NTNG2: variants seen among roughly 807,000 people sequenced by gnomAD.
NTNG2 encodes netrin G2.
Under a neutral mutation model 47.6 loss-of-function variants are expected in NTNG2, and 15 were observed. That is an observed-to-expected ratio of 0.32 (90% CI 0.21 to 0.49). NTNG2 has a LOEUF of 0.49. Ranked by LOEUF, NTNG2 falls within the 20% of genes least tolerant of loss-of-function variation. NTNG2 has a pLI of 0.99. For missense variants in NTNG2, 578 were observed against 764.6 expected, an observed-to-expected ratio of 0.76 and a Z score of 2.88; for synonymous variants, 307 against 324.6, an observed-to-expected ratio of 0.95 and a Z score of 0.58.
rs1025672356 is a variant in NTNG2 at position 132,163,215 on chromosome 9, G to A, written c.-484+976G>A. On this transcript the variant is annotated intron_variant, in intron 1 of 7. Transcript: ENST00000393229. The surrounding 1 kb of genome is among the most constrained non-coding windows in gnomAD (Gnocchi z 7.2). ...CGAAAAGCAGCTGCGGGGCTGCCGG[G>A]TCGTCGGTGTCCTAGGCACAGGGCT... is the stretch of plus-strand genomic sequence containing the variant. Among the ~76,000 whole-genome samples the A allele has an allele frequency of 6.6e-6, 1 of 152,118 alleles. No homozygotes were observed. The highest frequency in any genetic ancestry group is 2.4e-5 in the African/African-American group (1 of 41,426).
intron 2 of NTNG2, among the ~76,000 whole-genome samples, chr9:132,188,888 G>T (rs1366619410): frequency 1.3e-5 from 2 of 152,098 alleles, no homozygotes; most frequent in Non-Finnish European, 2.9e-5. Flanking sequence ...AGATGTGGTC[G>T]CTGCCCGCAT....
intron 2 of NTNG2, among the ~76,000 whole-genome samples, chr9:132,178,982 A>AC (rs34841916): frequency 7.4e-6 from 1 of 134,426 alleles, no homozygotes; most frequent in East Asian, 2.2e-4. Context: ...AAAAAAAAAA[A>AC]CTACTGATGA....
intron 3 of NTNG2, among the ~76,000 whole-genome samples, chr9:132,203,462 G>A (rs759012237): frequency 1.3e-5 from 2 of 152,184 alleles, no homozygotes; most frequent in Non-Finnish European, 1.5e-5. Flanking sequence ...GAGAAATGGA[G>A]ACAGCAGGCG....
intron 4 of NTNG2, among the ~76,000 whole-genome samples, chr9:132,228,348 A>C (rs1450102723): frequency 6.6e-6 from 1 of 152,154 alleles, no homozygotes; most frequent in Non-Finnish European, 1.5e-5. Flanking sequence ...AGGCACAAAG[A>C]GCACTCCGGG....
At chr9:132,178,988 G>T (rs1168741381) in intron 2 of NTNG2, among the ~76,000 whole-genome samples, 2 of 134,546 alleles carry the variant, frequency 1.5e-5, no homozygotes, top group Non-Finnish European at 3.2e-5. Context: ...AAAAACTACT[G>T]ATGAGGCACA....
At chr9:132,205,795 C>T (rs1413765610) in intron 3 of NTNG2, among the ~76,000 whole-genome samples, 1 of 152,140 alleles carries the variant, frequency 6.6e-6, no homozygotes, top group African/African-American at 2.4e-5. Context: ...ACAGGAGAAT[C>T]ACTTGAACCA....
At position 132,198,285 on chromosome 9, in the gene NTNG2, C is replaced by T. The variant is rs778753703; in HGVS notation, c.533C>T (p.Ser178Phe). Residue 178 changes from serine to phenylalanine, a missense_variant, in exon 3 of 8, where the codon TCC becomes TTC. Coordinates refer to ENST00000393229, the MANE Select transcript of NTNG2 (RefSeq NM_032536.4). Reference sequence around the variant, plus strand: ...GACTGCATGGAGGCCTTCGGTATGTCCGCCCGCCGGGCCCGCGACATGTCA... The same window carrying T: ...GACTGCATGGAGGCCTTCGGTATGTTCGCCCGCCGGGCCCGCGACATGTCA... ...AEDCMEAFGM[S>F]ARRARDMSSS... 1 of 1,609,982 alleles carries T rather than the reference C, an allele frequency of 6.2e-7. No individual in the cohort carries two copies. The highest frequency in any genetic ancestry group is 1.7e-4 in the Middle Eastern group (1 of 6,058).
At chr9:132,216,132 G>A (rs927433078) in intron 3 of NTNG2, among the ~76,000 whole-genome samples, 2 of 152,134 alleles carry the variant, frequency 1.3e-5, no homozygotes, top group Non-Finnish European at 2.9e-5. Flanking sequence ...GCGCTACCTG[G>A]TGCTGCAGCC....
Position 132,236,618 on chromosome 9 carries a change from C to G in NTNG2, c.1055-2486C>G, listed in dbSNP as rs1201102954. Among the ~76,000 whole-genome samples, 3 of 152,210 alleles carry G rather than the reference C, an allele frequency of 2.0e-5. No homozygotes were observed. Among genetic ancestry groups the G allele is most frequent in the Non-Finnish European group, 2.9e-5 (2 of 68,034 alleles). On this transcript the variant is annotated intron_variant, in intron 5 of 7. Coordinates refer to ENST00000393229, the MANE Select transcript of NTNG2 (RefSeq NM_032536.4). The surrounding 1 kb of genome is among the most constrained non-coding windows in gnomAD (Gnocchi z 4.3). ...GCATGTTTAGAGAGGGTCTGAGGCT[C>G]GGTTCCTAGAAACCTGGAGGACCTG...
rs961301313 is a variant in NTNG2 at position 132,208,608 on chromosome 9, G to T, written c.857+9999G>T. On this transcript the variant is annotated intron_variant, in intron 3 of 7. Coordinates refer to ENST00000393229, the MANE Select transcript of NTNG2 (RefSeq NM_032536.4). The surrounding 1 kb of genome is among the most constrained non-coding windows in gnomAD (Gnocchi z 4.0). ...TGCTGAGTAGCTGATGGGAGCAGGCGGTGGGAGGCATCATGGAGGACTCCC... is the reference window on the plus strand; with the variant it reads ...TGCTGAGTAGCTGATGGGAGCAGGCTGTGGGAGGCATCATGGAGGACTCCC... 6.6e-6 allele frequency among the ~76,000 whole-genome samples: 1 copy of T among 152,144 alleles called. No homozygotes were observed. Among genetic ancestry groups the T allele is most frequent in the Non-Finnish European group, 1.5e-5 (1 of 68,022 alleles).
chr9:132,164,037 C>T (rs1262749368), intron 1 of NTNG2, among the ~76,000 whole-genome samples: 1 of 152,180 alleles, frequency 6.6e-6, no homozygotes, highest in African/African-American at 2.4e-5. Context: ...TCTCTGCGCT[C>T]CTCCTCGTTA....
rs1461307764 is a variant in NTNG2, at chr9:132,221,667, A to G, written c.858-5182A>G. Among the ~76,000 whole-genome samples the G allele has an allele frequency of 6.6e-6, 1 of 152,166 alleles. No individual in the cohort carries two copies. Among genetic ancestry groups the G allele is most frequent in the Non-Finnish European group, 1.5e-5 (1 of 68,022 alleles). ...TTCTCCTGTTCCCGAGGAAGACAGG[A>G]CTGATAGGAGGGGCTGGCCAGGATG... On this transcript the variant is annotated intron_variant, in intron 3 of 7. Transcript: ENST00000393229. This position sits in a 1 kb window ranked among gnomAD's most constrained non-coding sequence, Gnocchi z 4.2.
chr9:132,228,241 C>A (rs1840933573), intron 4 of NTNG2, among the ~76,000 whole-genome samples: 1 of 152,248 alleles, frequency 6.6e-6, no homozygotes, highest in African/African-American at 2.4e-5. Flanking sequence ...GTGCAGAGGC[C>A]ATGACAGGCA....
At chr9:132,235,920 C>T (rs982048264) in intron 5 of NTNG2, among the ~76,000 whole-genome samples, 13 of 152,114 alleles carry the variant, frequency 8.5e-5, no homozygotes, top group African/African-American at 2.9e-4. Flanking sequence ...GGTGAGGGAG[C>T]GGCCTGGTAG....
intron 3 of NTNG2, among the ~76,000 whole-genome samples, chr9:132,201,480 C>T (rs372821391): frequency 3.3e-5 from 5 of 152,326 alleles, no homozygotes; most frequent in East Asian, 1.9e-4. Context: ...TCTTCAGTTC[C>T]GCTGGGAAAG....
chr9:132,205,668 G>A (rs1839117630), intron 3 of NTNG2, among the ~76,000 whole-genome samples: 1 of 152,102 alleles, frequency 6.6e-6, no homozygotes, highest in African/African-American at 2.4e-5. Flanking sequence ...ATCACTTGAG[G>A]TCAGGAGCTC....
intron 5 of NTNG2, chr9:132,233,625 C>T (rs1213212380): frequency 6.6e-6 from 1 of 152,170 alleles, no homozygotes; most frequent in African/African-American, 2.4e-5. Flanking sequence ...CCCTACAGCC[C>T]ACATCTAGGG....
At chr9:132,187,144 G>A (rs1837452947) in intron 2 of NTNG2, among the ~76,000 whole-genome samples, 1 of 152,266 alleles carries the variant, frequency 6.6e-6, no homozygotes, top group Admixed American at 6.5e-5. Flanking sequence ...CCCAGGCCAT[G>A]CCCACTGTGG....
intron 3 of NTNG2, among the ~76,000 whole-genome samples, chr9:132,223,868 C>T (rs539776393): frequency 6.6e-6 from 1 of 152,324 alleles, no homozygotes; most frequent in Admixed American, 6.5e-5. Context: ...CAGTCAAAGG[C>T]TTGCAGAGTA....
Sources: allele counts gnomAD v4.1 joint callset (sites outside exome capture counted in the v4.1 genomes callset), GRCh38; gene constraint gnomAD v4.1.1; non-coding constraint Gnocchi (gnomAD v3.1); transcripts MANE v1.5; gene names NCBI Gene and HGNC (gene_info 2026-07-23, HGNC 2026-07-21).